Variants in AOPEP observed in about 807,000 individuals in gnomAD.
The protein encoded by AOPEP is aminopeptidase O (putative).
A neutral mutation model predicts 98.1 loss-of-function variants in AOPEP; 77 were observed. The ratio of observed to expected loss-of-function variants is 0.78; its 90% CI spans 0.65 to 0.95. The LOEUF (loss-of-function observed/expected upper bound fraction) is 0.95, where lower values mean the gene tolerates loss of function less well. Ranked by LOEUF, AOPEP falls within the 40% of genes least tolerant of loss-of-function variation. The pLI is 0.00. For synonymous variants in AOPEP, 346 were observed against 365.3 expected (o/e 0.95, Z 0.60); for missense variants, 1,024 against 1,024.7 (o/e 1.00, Z 0.01).
intron 2 of AOPEP, among the ~76,000 whole-genome samples, chr9:94,762,887 A>G (rs1838688449): frequency 6.6e-6 from 1 of 152,238 alleles, no homozygotes; most frequent in Non-Finnish European, 1.5e-5. Context: ...GATATAAATG[A>G]ATAGTAATTA....
In AOPEP at chr9:94,930,608, G is replaced by A. The variant is rs1188032946; in HGVS notation, c.1661+2077G>A. On this transcript the variant is annotated intron_variant, in intron 7 of 16. Transcript: ENST00000375315. This position sits in a 1 kb window ranked among gnomAD's most constrained non-coding sequence, Gnocchi z 4.5. The stretch of plus-strand genomic sequence containing the variant: ...GAGGACTCTGGGGAAACCATTATGT[G>A]TTTCCCCAGAGAAAACCAGGGCACT... Among the ~76,000 whole-genome samples, 1 of 152,004 alleles carries A rather than the reference G, an allele frequency of 6.6e-6. No individual in the cohort carries two copies. Among genetic ancestry groups the A allele is most frequent in the African/African-American group, 2.4e-5 (1 of 41,384 alleles).
chr9:94,782,114 C>T (rs913149929), intron 3 of AOPEP, among the ~76,000 whole-genome samples: 15 of 151,522 alleles, frequency 9.9e-5, no homozygotes, highest in Admixed American at 5.2e-4. Flanking sequence ...TGCTTGAACC[C>T]GGGAGGCGGA....
chr9:94,970,703 G>GA (rs112921633), intron 10 of AOPEP, among the ~76,000 whole-genome samples: 469 of 136,392 alleles, frequency 3.4e-3, no homozygotes, highest in African/African-American at 5.2e-3. Context: ...TTGCTGTCTT[G>GA]AAAAAAAAAA....
chr9:95,060,137 A>C (rs557662178), intron 13 of AOPEP, among the ~76,000 whole-genome samples: 1 of 152,252 alleles, frequency 6.6e-6, no homozygotes, highest in Admixed American at 6.5e-5. Context: ...AGTTGTGTAC[A>C]GCCTTTTGAG....
intron 13 of AOPEP, among the ~76,000 whole-genome samples, chr9:95,043,837 G>T (rs930271686): frequency 1.3e-5 from 2 of 152,090 alleles, no homozygotes; most frequent in Non-Finnish European, 2.9e-5. Context: ...GCTAATTTTT[G>T]TATGTTTTGT....
chr9:94,906,633 A>G (rs2051192997), intron 5 of AOPEP, among the ~76,000 whole-genome samples: 1 of 152,122 alleles, frequency 6.6e-6, no homozygotes, highest in Admixed American at 6.5e-5. Flanking sequence ...GTGCCACTGC[A>G]CTCCAATCTG....
intron 5 of AOPEP, among the ~76,000 whole-genome samples, chr9:94,818,013 A>G (rs1311116258): frequency 6.6e-6 from 1 of 152,162 alleles, no homozygotes; most frequent in Non-Finnish European, 1.5e-5. Flanking sequence ...TACAAGCTAT[A>G]GGATGTTACC....
At chr9:94,814,387 T>C (rs937305221) in intron 5 of AOPEP, among the ~76,000 whole-genome samples, 1 of 152,206 alleles carries the variant, frequency 6.6e-6, no homozygotes, top group Non-Finnish European at 1.5e-5. Context: ...ATTTAATTTT[T>C]GGTTTTAGAA....
chr9:95,110,504 G>A, the AOPEP span: 7 of 1,030,156 alleles, frequency 6.8e-6, no homozygotes, highest in African/African-American at 1.7e-5. Context: ...AAATACATAC[G>A]TGGGTTATAA....
chr9:94,935,189 T>G (rs919784751), intron 7 of AOPEP: 1 of 152,208 alleles, frequency 6.6e-6, no homozygotes, highest in African/African-American at 2.4e-5. Context: ...GGCACCTTCC[T>G]CCACCAACTG....
At chr9:95,149,763 GCCA>G in the AOPEP span, among the ~76,000 whole-genome samples, 1,717 of 152,220 alleles carry the variant, frequency 0.011, 31 homozygotes, top group African/African-American at 0.039. Context: ...ACAGGTGTGA[GCCA>G]CCACACCTGG....
the AOPEP span, among the ~76,000 whole-genome samples, chr9:95,108,094 A>C: frequency 6.6e-6 from 1 of 152,202 alleles, no homozygotes; most frequent in Non-Finnish European, 1.5e-5. Context: ...ACTTAGGCCT[A>C]TTCTGAGAAT....
chr9:94,989,235 G>C (rs1341467614), intron 11 of AOPEP, among the ~76,000 whole-genome samples: 1 of 152,002 alleles, frequency 6.6e-6, no homozygotes. Context: ...CCGAGTAGCT[G>C]AGACTACAGG....
intron 13 of AOPEP, chr9:95,005,948 G>T: frequency 2.0e-6 from 1 of 498,444 alleles, no homozygotes; most frequent in Non-Finnish European, 4.0e-6. Flanking sequence ...AAAGTGTTCC[G>T]AATAAATCGC....
intron 5 of AOPEP, among the ~76,000 whole-genome samples, chr9:94,906,397 T>G (rs962058313): frequency 2.0e-5 from 3 of 149,346 alleles, no homozygotes; most frequent in Non-Finnish European, 4.4e-5. Flanking sequence ...GCCAAGGAGG[T>G]CAAGGCAGCA....
rs575621985 is a variant in AOPEP at position 95,012,957 on chromosome 9, A to G, written c.2115+7341A>G. ...TAACGTTAGAGGTTTTCATCAAAGT[A>G]TATTTGGTAGAGTTTTCCTGTTTTT... On this transcript the variant is annotated intron_variant, in intron 13 of 16. Transcript: ENST00000375315. Among the ~76,000 whole-genome samples, 192 of 72,634 alleles carry G rather than the reference A, an allele frequency of 2.6e-3. 1 individual carries two copies. The highest frequency in any genetic ancestry group is 9.7e-3 in the African/African-American group (188 of 19,450). 47.7% of individuals were successfully genotyped at this position (72,634 alleles called of 152,430 possible).
At chr9:94,885,831 A>C (rs1037318209) in intron 5 of AOPEP, among the ~76,000 whole-genome samples, 1 of 152,226 alleles carries the variant, frequency 6.6e-6, no homozygotes, top group Non-Finnish European at 1.5e-5. Flanking sequence ...GATTTACAAA[A>C]GCTTTCTGTA....
At chr9:94,895,431 A>AT (rs2136130612) in intron 5 of AOPEP, among the ~76,000 whole-genome samples, 1 of 149,928 alleles carries the variant, frequency 6.7e-6, no homozygotes, top group Non-Finnish European at 1.5e-5. Flanking sequence ...AAAAAAAAAA[A>AT]GCTAGCATTA....
intron 5 of AOPEP, among the ~76,000 whole-genome samples, chr9:94,874,401 T>G (rs1220031226): frequency 2.0e-5 from 3 of 152,154 alleles, no homozygotes. Flanking sequence ...AAAATCGAGT[T>G]ATTTTTATAA....
Sources: gnomAD v4.1 joint callset for allele counts (sites outside exome capture counted in the v4.1 genomes callset) on GRCh38, gnomAD v4.1.1 for gene constraint, Gnocchi (gnomAD v3.1) non-coding constraint, MANE v1.5 for transcripts, NCBI Gene and HGNC (gene_info 2026-07-23, HGNC 2026-07-21) for gene names.